Variants in KCNJ6 observed in about 807,000 individuals in gnomAD.
The protein encoded by KCNJ6 is G protein-activated inward rectifier potassium channel 2.
KCNJ6 carries 9 observed loss-of-function variants against 34.2 expected under a neutral mutation model. That is an observed-to-expected ratio of 0.26 (90% CI 0.16 to 0.46). KCNJ6 has a LOEUF of 0.46. Ranked by LOEUF, KCNJ6 falls within the 20% of genes least tolerant of loss-of-function variation. The probability of loss-of-function intolerance (pLI) is 1.00; values close to 1 mark genes in which losing one functional copy is unlikely to be tolerated. For synonymous variants in KCNJ6, 196 were observed against 207.1 expected, an observed-to-expected ratio of 0.95 and a Z score of 0.46; for missense variants, 236 against 531.3, an observed-to-expected ratio of 0.44 and a Z score of 5.46.
chr21:37,848,641 G>T (rs2055522206), intron 1 of KCNJ6, among the ~76,000 whole-genome samples: 4 of 152,340 alleles, frequency 2.6e-5, no homozygotes, highest in African/African-American at 9.6e-5. Flanking sequence ...AGATAAATCA[G>T]ATTCAAAGTT....
Position 37,627,016 on chromosome 21 carries a change from C to T in KCNJ6, c.947-1532G>A, listed in dbSNP as rs75794070. On this transcript the variant is annotated intron_variant, in intron 3 of 3. Transcript: ENST00000609713. Reference sequence around the variant, plus strand: ...TCAGTATGTCATCTGTTAGGACCACCAATAAGTATTACGCAGCTGCTTTGT... The same window carrying T: ...TCAGTATGTCATCTGTTAGGACCACTAATAAGTATTACGCAGCTGCTTTGT... Among the ~76,000 whole-genome samples the T allele has an allele frequency of 4.9e-3, 745 of 152,272 alleles. 3 individuals carry two copies. Among genetic ancestry groups the T allele is most frequent in the African/African-American group, 0.017 (692 of 41,540 alleles).
At chr21:37,893,951 C>A (rs184609475) in intron 1 of KCNJ6, among the ~76,000 whole-genome samples, 129 of 152,282 alleles carry the variant, frequency 8.5e-4, no homozygotes, top group Admixed American at 3.7e-3. Flanking sequence ...CTTTCTCTTT[C>A]TTTTCACTGA....
intron 3 of KCNJ6, among the ~76,000 whole-genome samples, chr21:37,694,344 A>T (rs1476889140): frequency 6.6e-6 from 1 of 152,238 alleles, no homozygotes; most frequent in African/African-American, 2.4e-5. Context: ...TAGCGAGGAC[A>T]AGCTCACACG....
intron 1 of KCNJ6, among the ~76,000 whole-genome samples, chr21:37,872,211 C>T (rs577745297): frequency 2.0e-5 from 3 of 152,320 alleles, no homozygotes; most frequent in Admixed American, 2.0e-4. Flanking sequence ...TGTGAAATGA[C>T]ATCTGAAGGA....
intron 2 of KCNJ6, among the ~76,000 whole-genome samples, chr21:37,837,026 C>T (rs1235847657): frequency 2.0e-5 from 3 of 152,218 alleles, no homozygotes; most frequent in African/African-American, 7.2e-5. Flanking sequence ...CCTCCTCTCC[C>T]TCTTTGCCTA....
chr21:37,641,080 A>T (rs1357073219), intron 3 of KCNJ6, among the ~76,000 whole-genome samples: 2 of 152,132 alleles, frequency 1.3e-5, no homozygotes, highest in Admixed American at 6.5e-5. Context: ...AACCTCACAC[A>T]CTTTCACAGT....
chr21:37,898,366 C>T (rs1031711115), intron 1 of KCNJ6, among the ~76,000 whole-genome samples: 6 of 152,070 alleles, frequency 3.9e-5, no homozygotes, highest in South Asian at 2.1e-4. Flanking sequence ...GGCTAGATCA[C>T]GAGGTCAGGA....
intron 2 of KCNJ6, among the ~76,000 whole-genome samples, chr21:37,768,103 A>G (rs1330022699): frequency 1.4e-5 from 2 of 141,646 alleles, no homozygotes; most frequent in East Asian, 4.1e-4. Context: ...TTTTTTTTCG[A>G]GCATCTGTGT....
At chr21:37,721,367 A>C (rs1194362772) in intron 2 of KCNJ6, among the ~76,000 whole-genome samples, 1 of 152,234 alleles carries the variant, frequency 6.6e-6, no homozygotes, top group Non-Finnish European at 1.5e-5. Flanking sequence ...ACAGTATCTT[A>C]GTCCCTCAAA....
intron 1 of KCNJ6, among the ~76,000 whole-genome samples, chr21:37,880,075 A>G (rs1033465398): frequency 6.8e-5 from 10 of 146,228 alleles, no homozygotes; most frequent in Admixed American, 6.3e-4. Flanking sequence ...CCTGGCCAAC[A>G]TGGTGAAACC....
intron 2 of KCNJ6, among the ~76,000 whole-genome samples, chr21:37,795,038 G>C (rs2055234562): frequency 6.6e-6 from 1 of 152,158 alleles, no homozygotes; most frequent in Admixed American, 6.6e-5. Context: ...AGTAAGGCTG[G>C]TATGAAGTAG....
At chr21:37,794,767 A>AC (rs879596174) in intron 2 of KCNJ6, among the ~76,000 whole-genome samples, 5 of 152,046 alleles carry the variant, frequency 3.3e-5, no homozygotes, top group South Asian at 2.1e-4. Context: ...TAGGACAAAT[A>AC]CCTAATGCAT....
intron 3 of KCNJ6, among the ~76,000 whole-genome samples, chr21:37,660,280 C>G (rs1383814478): frequency 6.6e-6 from 1 of 152,226 alleles, no homozygotes; most frequent in Non-Finnish European, 1.5e-5. Context: ...GGATTCCTGC[C>G]ACAGGGTGCA....
chr21:37,839,664 G>C (rs2055469106), intron 2 of KCNJ6, among the ~76,000 whole-genome samples: 1 of 152,082 alleles, frequency 6.6e-6, no homozygotes, highest in Non-Finnish European at 1.5e-5. Context: ...ATCATCAGGA[G>C]AAATTTCCAT....
intron 3 of KCNJ6, among the ~76,000 whole-genome samples, chr21:37,640,953 A>C (rs1000207048): frequency 2.0e-5 from 3 of 152,250 alleles, no homozygotes; most frequent in African/African-American, 7.2e-5. Flanking sequence ...GCAGAAGTAG[A>C]AGAATAAAAC....
At position 37,899,622 on chromosome 21, in the gene KCNJ6, G is replaced by A. The variant is rs528815385; in HGVS notation, c.-28+16262C>T. Among the ~76,000 whole-genome samples the A allele has an allele frequency of 7.9e-5, 12 of 152,302 alleles. No individual in the cohort carries two copies. The East Asian group carries it at 2.3e-3, about 29-fold the overall frequency. ...AAGAGTGGACCTTGGTAGTGTCTGG[G>A]AGAATGCTGAAAAAGACCAGAGGTG... On this transcript the variant is annotated intron_variant, in intron 1 of 3. Coordinates refer to ENST00000609713, the MANE Select transcript of KCNJ6 (RefSeq NM_002240.5).
rs374683492 is a variant in KCNJ6, at chr21:37,712,453, C to T, written c.946+1758G>A. On this transcript the variant is annotated intron_variant, in intron 3 of 3. Coordinates refer to ENST00000609713, the MANE Select transcript of KCNJ6 (RefSeq NM_002240.5). The stretch of plus-strand genomic sequence containing the variant: ...TTTCTCTTTCCTCCCTCCTCCCCAG[C>T]CTCCCCTCCTCCTCTCTCCCTCCTC... Among the ~76,000 whole-genome samples the T allele has an allele frequency of 7.2e-4, 81 of 112,436 alleles. 1 individual carries two copies. In the South Asian group the frequency reaches 0.022, roughly 30 times the overall value. 73.8% of individuals were successfully genotyped at this position (112,436 alleles called of 152,430 possible). A position where few individuals can be genotyped will look rare whatever the true frequency, so the allele number is the denominator to read the frequency against.
rs1247532654 is a variant in KCNJ6, at chr21:37,714,275, T to C, written c.882A>G (p.Lys294=). Residue 294 remains lysine, a synonymous_variant, in exon 3 of 4, where the codon AAA becomes AAG. Transcript: ENST00000609713. The surrounding 1 kb of genome is among the most constrained non-coding windows in gnomAD (Gnocchi z 5.9). ...NQQSPFWEIS[K]AQLPKEELEI... The stretch of plus-strand genomic sequence containing the variant: ...CCAGTTCCTCTTTGGGCAGCTGGGC[T>C]TTGGAGATCTCCCAGAAAGGACTCT... The C allele has an allele frequency of 6.2e-7, 1 of 1,614,206 alleles. No individual in the cohort carries two copies. Among genetic ancestry groups the C allele is most frequent in the Admixed American group, 1.7e-5 (1 of 60,034 alleles).
intron 2 of KCNJ6, among the ~76,000 whole-genome samples, chr21:37,834,964 G>A (rs2055444627): frequency 6.6e-6 from 1 of 152,218 alleles, no homozygotes; most frequent in Non-Finnish European, 1.5e-5. Flanking sequence ...TCTGCTCCAT[G>A]TGGATGTGTT....
Sources: gnomAD v4.1 joint callset for allele counts (sites outside exome capture counted in the v4.1 genomes callset) on GRCh38, gnomAD v4.1.1 for gene constraint, Gnocchi (gnomAD v3.1) non-coding constraint, MANE v1.5 for transcripts, NCBI Gene and HGNC (gene_info 2026-07-23, HGNC 2026-07-21) for gene names.